HACD3: variants seen among roughly 807,000 people sequenced by gnomAD.
HACD3 encodes 3-hydroxyacyl-CoA dehydratase 3, also known as very-long-chain (3R)-3-hydroxyacyl-CoA dehydratase 3.
In HACD3, 30 loss-of-function variants were observed where a neutral mutation model predicts 55.2. The observed-to-expected ratio is 0.54, with a 90% confidence interval of 0.41 to 0.74. HACD3 has a LOEUF of 0.74. Among genes scored for constraint, HACD3 ranks in the 30% least tolerant of loss-of-function variants. The pLI, the probability that HACD3 is intolerant of heterozygous loss-of-function variation, is 0.00. For synonymous variants in HACD3, 141 were observed against 151.7 expected, an observed-to-expected ratio of 0.93 and a Z score of 0.52; for missense variants, 363 against 440.1, an observed-to-expected ratio of 0.82 and a Z score of 1.57.
chr15:65,568,109 G>C (rs2072310643), intron 7 of HACD3, among the ~76,000 whole-genome samples: 1 of 151,834 alleles, frequency 6.6e-6, no homozygotes, highest in Non-Finnish European at 1.5e-5. Context: ...TTTTAGTAGA[G>C]ATGGGGTTTC....
At chr15:65,551,564 A>G (rs941863887) in intron 1 of HACD3, 112 bp from the exon 2 acceptor site, 2 of 1,144,774 alleles carry the variant, frequency 1.7e-6, no homozygotes, top group African/African-American at 1.5e-5. Flanking sequence ...GGAGGCACAG[A>G]GTAGGAGTTT....
intron 1 of HACD3, 90 bp from the exon 2 acceptor site, chr15:65,551,586 G>T: frequency 6.9e-7 from 1 of 1,442,040 alleles, no homozygotes; most frequent in Non-Finnish European, 9.8e-7. Flanking sequence ...AGTCCTTATG[G>T]GAGAGGGATG....
chr15:65,540,802 C>G lies in HACD3; in HGVS notation c.87+10084C>G, dbSNP rs912971999. ...TGTGTTTCAAAAAAGATTATTCTGG[C>G]TGCTATGTGGATTATAAAGGGGCAA... On this transcript the variant is annotated intron_variant, in intron 1 of 10. Transcript: ENST00000261875. Among the ~76,000 whole-genome samples the G allele has an allele frequency of 2.6e-5, 4 of 152,220 alleles. No individual in the cohort carries two copies. The South Asian group carries it at 8.3e-4, about 32-fold the overall frequency.
chr15:65,544,387 A>G (rs1267047647), intron 1 of HACD3, among the ~76,000 whole-genome samples: 2 of 152,166 alleles, frequency 1.3e-5, no homozygotes, highest in East Asian at 3.9e-4. Context: ...ACATGCACAT[A>G]CCTGCAAGCG....
intron 1 of HACD3, 79 bp from the exon 2 acceptor site, chr15:65,551,597 A>G (rs2072133549): frequency 6.6e-7 from 1 of 1,511,520 alleles, no homozygotes; most frequent in Non-Finnish European, 9.2e-7. Context: ...GAGAGGGATG[A>G]GGGGAAGAAG....
intron 7 of HACD3, chr15:65,565,591 C>T (rs1457151712): frequency 6.6e-6 from 1 of 152,376 alleles, no homozygotes; most frequent in African/African-American, 2.4e-5. Context: ...ACATTGGCCC[C>T]TCTCAGCCAA....
At chr15:65,571,303 G>A (rs890365821) in intron 8 of HACD3, among the ~76,000 whole-genome samples, 11 of 152,088 alleles carry the variant, frequency 7.2e-5, no homozygotes, top group Non-Finnish European at 1.5e-4. Flanking sequence ...TATCCAGTCC[G>A]TTTACCGAAT....
chr15:65,562,476 C>T (rs529782405), intron 5 of HACD3, among the ~76,000 whole-genome samples: 20 of 152,308 alleles, frequency 1.3e-4, no homozygotes, highest in African/African-American at 4.8e-4. Flanking sequence ...ATACACATAT[C>T]ATAATATCAC....
chr15:65,551,296 G>A (rs1227644935), intron 1 of HACD3, among the ~76,000 whole-genome samples: 3 of 152,184 alleles, frequency 2.0e-5, no homozygotes, highest in Non-Finnish European at 4.4e-5. Flanking sequence ...CACAGAAAGT[G>A]CCTCATCTGT....
At chr15:65,565,823 G>C (rs2072285345) in intron 7 of HACD3, 1 of 152,146 alleles carries the variant, frequency 6.6e-6, no homozygotes, top group Non-Finnish European at 1.5e-5. Flanking sequence ...TCAAAAAATG[G>C]GTTTTTCTTT....
chr15:65,572,487 A>G, intron 10 of HACD3, 121 bp downstream of exon 10: 3 of 1,226,762 alleles, frequency 2.4e-6, no homozygotes, highest in Non-Finnish European at 3.3e-6. Flanking sequence ...GAGAATGATT[A>G]CTTTGCAAAA....
intron 1 of HACD3, among the ~76,000 whole-genome samples, chr15:65,537,666 G>GC (rs1183229954): frequency 1.3e-5 from 2 of 150,626 alleles, no homozygotes; most frequent in African/African-American, 4.9e-5. Flanking sequence ...GGTGGCGGGC[G>GC]CCTTTAATCC....
At chr15:65,567,870 T>C (rs186256336) in intron 7 of HACD3, among the ~76,000 whole-genome samples, 1 of 151,932 alleles carries the variant, frequency 6.6e-6, no homozygotes, top group African/African-American at 2.4e-5. Flanking sequence ...GAAAGTAGGA[T>C]GGTGTTTGCC....
chr15:65,555,778 A>G (rs1042484354), intron 3 of HACD3, among the ~76,000 whole-genome samples: 1 of 152,168 alleles, frequency 6.6e-6, no homozygotes, highest in Non-Finnish European at 1.5e-5. Context: ...AACTGATCCA[A>G]TACAGTTCTG....
intron 7 of HACD3, among the ~76,000 whole-genome samples, chr15:65,567,530 C>CAG (rs1474411798): frequency 6.6e-6 from 1 of 152,092 alleles, no homozygotes; most frequent in Non-Finnish European, 1.5e-5. Flanking sequence ...CATTTCCAAT[C>CAG]ACAATCTAAA....
At chr15:65,556,296 G>T (rs888006374) in intron 3 of HACD3, among the ~76,000 whole-genome samples, 1 of 152,134 alleles carries the variant, frequency 6.6e-6, no homozygotes, top group Non-Finnish European at 1.5e-5. Flanking sequence ...TCCCATCTGG[G>T]GGTGATGGGA....
In HACD3 at chr15:65,570,077, G is replaced by T; in HGVS notation, c.661-14G>T. 1.3e-6 allele frequency: 2 copies of T among 1,512,378 alleles called. No homozygotes were observed. Among genetic ancestry groups the T allele is most frequent in the South Asian group, 1.2e-5 (1 of 84,098 alleles). The allele number at this position is 1,512,378 out of a possible 1,614,324, so 93.7% of individuals were successfully genotyped here. On this transcript the variant is annotated splice_polypyrimidine_tract_variant and intron_variant, in intron 7 of 10. Coordinates refer to ENST00000261875, the MANE Select transcript of HACD3 (RefSeq NM_016395.4). ...TTTATTAACTTTTTTCTCTCTTTTG[G>T]GTCTTTCTAATAGCTTCTTGGAAGA...
At chr15:65,542,822 T>C (rs1034035866) in intron 1 of HACD3, among the ~76,000 whole-genome samples, 6 of 152,014 alleles carry the variant, frequency 3.9e-5, no homozygotes, top group African/African-American at 1.4e-4. Flanking sequence ...ATGCCTGTAA[T>C]CTCAGCACTT....
intron 4 of HACD3, 95 bp from the exon 5 acceptor site, chr15:65,558,585 T>C (rs1013018823): frequency 2.3e-5 from 28 of 1,230,852 alleles, no homozygotes; most frequent in Non-Finnish European, 2.8e-5. Flanking sequence ...GGAGTTGGCT[T>C]TGAGGGAGTC....
Sources: allele counts gnomAD v4.1 joint callset (sites outside exome capture counted in the v4.1 genomes callset), GRCh38; gene constraint gnomAD v4.1.1; transcripts MANE v1.5; gene names NCBI Gene and HGNC (gene_info 2026-07-23, HGNC 2026-07-21).